Variants in ALAS1 observed in about 807,000 individuals in gnomAD.
ALAS1 encodes the protein 5'-aminolevulinate synthase 1, also known as 5-aminolevulinate synthase, non-specific, mitochondrial.
A neutral mutation model predicts 59.6 loss-of-function variants in ALAS1; 29 were observed. That is an observed-to-expected ratio of 0.49 (90% CI 0.36 to 0.66). ALAS1 has a LOEUF of 0.66. ALAS1 is among the 30% of genes least tolerant of loss of function. The probability of loss-of-function intolerance (pLI) is 0.00; values close to 1 mark genes in which losing one functional copy is unlikely to be tolerated. For missense variants in ALAS1, 690 were observed against 807.5 expected (o/e 0.85, Z 1.76); for synonymous variants, 299 against 296.6 (o/e 1.01, Z -0.08).
intron 4 of ALAS1, 44 bp from the exon 5 acceptor site, chr3:52,203,819 A>G: frequency 1.3e-6 from 2 of 1,540,342 alleles, no homozygotes; most frequent in Admixed American, 2.1e-5. Flanking sequence ...GTGAACTCAG[A>G]ATAGAAAGTT....
At chr3:52,213,664 A>G (rs1376898677) in intron 11 of ALAS1, among the ~76,000 whole-genome samples, 1 of 152,118 alleles carries the variant, frequency 6.6e-6, no homozygotes, top group East Asian at 1.9e-4. Context: ...GCCCCTGTCA[A>G]CCACGGCTCT....
Position 52,199,195 on chromosome 3 carries a change from G to T in ALAS1, c.-32-15G>T. 1 of 1,612,544 alleles carries T rather than the reference G, an allele frequency of 6.2e-7. No individual in the cohort carries two copies. Among genetic ancestry groups the T allele is most frequent in the Non-Finnish European group, 8.5e-7 (1 of 1,178,710 alleles). Reference sequence around the variant, plus strand: ...TGCCTGATTATTAACAACTGTTGATGTCACTCTTCATCAGTCTTTCCACAG... The same window carrying T: ...TGCCTGATTATTAACAACTGTTGATTTCACTCTTCATCAGTCTTTCCACAG... On this transcript the variant is annotated splice_polypyrimidine_tract_variant and intron_variant, in intron 2 of 11. Coordinates refer to ENST00000484952, the MANE Select transcript of ALAS1 (RefSeq NM_000688.6).
chr3:52,198,991 G>A (rs1577958945), intron 2 of ALAS1, 143 bp downstream of exon 2: 1 of 1,116,696 alleles, frequency 9.0e-7, no homozygotes, highest in Non-Finnish European at 1.3e-6. Flanking sequence ...CTTTGCAGGT[G>A]CCTTTGTGTA....
At position 52,206,602 on chromosome 3, in the gene ALAS1, A is replaced by G. The variant is rs746899233; in HGVS notation, c.1016A>G (p.His339Arg). The G allele has an allele frequency of 1.9e-6, 3 of 1,614,120 alleles. No individual in the cohort carries two copies. The highest frequency in any genetic ancestry group is 1.1e-5 in the South Asian group (1 of 91,088). The change falls in exon 8 of 12, where the codon CAT becomes CGT. Residue 339 changes from histidine to arginine, a missense_variant. By Grantham distance (29) the His-to-Arg change is conservative (BLOSUM62 0). Coordinates refer to ENST00000484952, the MANE Select transcript of ALAS1 (RefSeq NM_000688.6). ...GCEIYSDSGN[H>R]ASMIQGIRNS... is the part of the protein sequence containing the mutation. ...GAGATTTACTCTGATTCTGGGAACC[A>G]TGCCTCCATGATCCAAGGGATTCGA...
chr3:52,206,669 C>G lies in ALAS1; in HGVS notation c.1083C>G (p.Val361=), dbSNP rs778395589. 6.2e-6 allele frequency: 10 copies of G among 1,614,098 alleles called. No homozygotes were observed. The highest frequency in any genetic ancestry group is 1.6e-4 in the Middle Eastern group (1 of 6,084). The change falls in exon 8 of 12, where the codon GTC becomes GTG. Residue 361 remains valine (V), a synonymous_variant. Coordinates refer to ENST00000484952, the MANE Select transcript of ALAS1 (RefSeq NM_000688.6). ...VPKYIFRHND[V]SHLRELLQRS... is the part of the protein sequence containing the mutation. Reference sequence around the variant, plus strand: ...AGTACATCTTCCGCCACAATGATGTCAGCCACCTCAGAGAACTGCTGCAAA... The same window carrying G: ...AGTACATCTTCCGCCACAATGATGTGAGCCACCTCAGAGAACTGCTGCAAA...
chr3:52,210,780 A>C (rs945910514), intron 9 of ALAS1, among the ~76,000 whole-genome samples: 1 of 147,862 alleles, frequency 6.8e-6, no homozygotes, highest in Non-Finnish European at 1.5e-5. Context: ...CCCTGTCTCT[A>C]AAAAAAAAAG....
At chr3:52,210,866 G>A (rs535788640) in intron 9 of ALAS1, among the ~76,000 whole-genome samples, 9 of 152,194 alleles carry the variant, frequency 5.9e-5, no homozygotes, top group Admixed American at 6.5e-5. Context: ...ATCACTAGGC[G>A]ATTTCATCAT....
At chr3:52,200,856 G>A (rs775458248) in intron 3 of ALAS1, among the ~76,000 whole-genome samples, 2 of 152,114 alleles carry the variant, frequency 1.3e-5, no homozygotes, top group Non-Finnish European at 2.9e-5. Flanking sequence ...GTGTTCTCTG[G>A]GTGTGGGCTT....
rs990479074 is a variant in ALAS1, at chr3:52,213,941, A to C, written c.1763-79A>C. ...AATGCTGCTATGAACATTTGTGTAC[A>C]AGTTTTTGTGTGGACATATGTTTTC... On this transcript the variant is annotated intron_variant, in intron 11 of 11. Coordinates refer to ENST00000484952, the MANE Select transcript of ALAS1 (RefSeq NM_000688.6). 5.2e-6 allele frequency: 7 copies of C among 1,337,368 alleles called. No homozygotes were observed. The Admixed American group carries it at 1.6e-4, about 30-fold the overall frequency. 82.8% of individuals were successfully genotyped at this position (1,337,368 alleles called of 1,614,324 possible).
rs1272290979 is a variant in ALAS1 at position 52,213,932 on chromosome 3, T to G, written c.1763-88T>G. The G allele has an allele frequency of 4.0e-6, 5 of 1,245,082 alleles. No individual in the cohort carries two copies. In the Admixed American group the frequency reaches 7.0e-5, roughly 17 times the overall value. 77.1% of individuals were successfully genotyped at this position (1,245,082 alleles called of 1,614,324 possible). ...ATTATGAATAATGCTGCTATGAACATTTGTGTACAAGTTTTTGTGTGGACA... is the reference window on the plus strand; with the variant it reads ...ATTATGAATAATGCTGCTATGAACAGTTGTGTACAAGTTTTTGTGTGGACA... On this transcript the variant is annotated intron_variant, in intron 11 of 11. Coordinates refer to ENST00000484952, the MANE Select transcript of ALAS1 (RefSeq NM_000688.6).
intron 11 of ALAS1, 182 bp downstream of exon 11, chr3:52,212,602 G>C: frequency 1.4e-6 from 1 of 694,256 alleles, no homozygotes; most frequent in Non-Finnish European, 2.4e-6. Flanking sequence ...CACAATCTCG[G>C]CTCACCGCAA....
intron 10 of ALAS1, among the ~76,000 whole-genome samples, chr3:52,211,788 A>G (rs1259987637): frequency 6.6e-6 from 1 of 152,232 alleles, no homozygotes; most frequent in Non-Finnish European, 1.5e-5. Context: ...TGACCTTAAC[A>G]GGGTAAACAC....
rs551063569 is a variant in ALAS1, at chr3:52,201,581, G to A, written c.200-926G>A. On this transcript the variant is annotated intron_variant, in intron 3 of 11. Coordinates refer to ENST00000484952, the MANE Select transcript of ALAS1 (RefSeq NM_000688.6). ...AGCTAGGGCCACATAACAAGACTCC[G>A]TCTCTACAAAAAATAAAAAATAAAA... 7.2e-5 allele frequency among the ~76,000 whole-genome samples: 11 copies of A among 152,070 alleles called. No homozygotes were observed. In the South Asian group the frequency reaches 1.2e-3, roughly 17 times the overall value.
intron 2 of ALAS1, among the ~76,000 whole-genome samples, 180 bp from the exon 3 acceptor site, chr3:52,199,030 C>T (rs977918019): frequency 3.9e-5 from 6 of 152,094 alleles, no homozygotes; most frequent in East Asian, 1.9e-4. Context: ...GTTGGTGACC[C>T]GGGTAAAGTG....
At chr3:52,205,164 C>T (rs893415151) in intron 6 of ALAS1, among the ~76,000 whole-genome samples, 2 of 152,212 alleles carry the variant, frequency 1.3e-5, no homozygotes, top group Admixed American at 6.5e-5. Flanking sequence ...CACGTCAGTC[C>T]ACTTTCTATC....
intron 8 of ALAS1, among the ~76,000 whole-genome samples, chr3:52,207,293 G>A (rs886171279): frequency 6.6e-6 from 1 of 152,038 alleles, no homozygotes; most frequent in African/African-American, 2.4e-5. Context: ...GTGAGCCACC[G>A]CACCTGGCCT....
rs1577966520 is a variant in ALAS1 at position 52,205,784 on chromosome 3, A to G, written c.801-55A>G. Reference sequence around the variant, plus strand: ...ATCCTAGAAAGGGGAAAAAATTCACATGGTGTTGAGAACCATGAGCTTTAT... The same window carrying G: ...ATCCTAGAAAGGGGAAAAAATTCACGTGGTGTTGAGAACCATGAGCTTTAT... On this transcript the variant is annotated intron_variant, in intron 6 of 11. Coordinates refer to ENST00000484952, the MANE Select transcript of ALAS1 (RefSeq NM_000688.6). The G allele has an allele frequency of 2.6e-6, 4 of 1,510,410 alleles. No individual in the cohort carries two copies. In the East Asian group the frequency reaches 7.1e-5, roughly 27 times the overall value. The allele number at this position is 1,510,410 out of a possible 1,614,324, so 93.6% of individuals were successfully genotyped here.
Position 52,202,506 on chromosome 3 carries a change from G to A in ALAS1, c.200-1G>A. 1.2e-6 allele frequency: 2 copies of A among 1,608,084 alleles called. No individual in the cohort carries two copies. Among genetic ancestry groups the A allele is most frequent in the Non-Finnish European group, 1.7e-6 (2 of 1,174,774 alleles). On this transcript the variant is annotated splice_acceptor_variant, in intron 3 of 11. Transcript: ENST00000484952. LOFTEE classifies it high-confidence loss of function. ...TTCACTTTTTCCATTTCCTCCCTCAGAAGACAAAACTGCTAAGGCCAAGGT... is the reference window on the plus strand; with the variant it reads ...TTCACTTTTTCCATTTCCTCCCTCAAAAGACAAAACTGCTAAGGCCAAGGT...
intron 9 of ALAS1, among the ~76,000 whole-genome samples, chr3:52,211,004 T>C (rs1181199585): frequency 6.6e-6 from 1 of 152,206 alleles, no homozygotes; most frequent in Non-Finnish European, 1.5e-5. Context: ...TATTGGATAC[T>C]GTTGGCAACA....
Sources: allele counts gnomAD v4.1 joint callset (sites outside exome capture counted in the v4.1 genomes callset), GRCh38; gene constraint gnomAD v4.1.1; transcripts MANE v1.5; gene names NCBI Gene and HGNC (gene_info 2026-07-23, HGNC 2026-07-21).